The following ZCCHC7 variants were observed in gnomAD, a reference collection of about 807,000 sequenced individuals.
ZCCHC7 encodes the protein zinc finger CCHC domain-containing protein 7.
A neutral mutation model predicts 52.0 loss-of-function variants in ZCCHC7; 35 were observed. The ratio of observed to expected loss-of-function variants is 0.67; its 90% CI spans 0.51 to 0.89. The LOEUF is 0.89. ZCCHC7 is among the 40% of genes least tolerant of loss of function. The probability of loss-of-function intolerance (pLI) is 0.00; values close to 1 mark genes in which losing one functional copy is unlikely to be tolerated. For missense variants in ZCCHC7, 574 were observed against 649.1 expected, an observed-to-expected ratio of 0.88 and a Z score of 1.26; for synonymous variants, 217 against 221.5, an observed-to-expected ratio of 0.98 and a Z score of 0.18.
At chr9:37,271,413 T>C (rs776657021) in intron 2 of ZCCHC7, among the ~76,000 whole-genome samples, 2 of 152,166 alleles carry the variant, frequency 1.3e-5, no homozygotes, top group Non-Finnish European at 2.9e-5. Context: ...AGGGACTTAG[T>C]TTATTACAAT....
At chr9:37,200,783 C>A (rs1823589356) in intron 2 of ZCCHC7, among the ~76,000 whole-genome samples, 1 of 152,208 alleles carries the variant, frequency 6.6e-6, no homozygotes, top group African/African-American at 2.4e-5. Flanking sequence ...GAAATATGAA[C>A]CATTGAAAGG....
chr9:37,156,710 T>C (rs778084742), intron 2 of ZCCHC7, among the ~76,000 whole-genome samples: 1 of 152,218 alleles, frequency 6.6e-6, no homozygotes, highest in African/African-American at 2.4e-5. Context: ...GTTTGTGAGC[T>C]TTTTAGATGG....
chr9:37,350,504 T>C (rs1458150365), intron 7 of ZCCHC7, among the ~76,000 whole-genome samples: 1 of 152,214 alleles, frequency 6.6e-6, no homozygotes, highest in Non-Finnish European at 1.5e-5. Flanking sequence ...ATCACATACA[T>C]GTAAACCCTG....
At chr9:37,235,803 TG>T (rs1011665679) in intron 2 of ZCCHC7, among the ~76,000 whole-genome samples, 15 of 151,782 alleles carry the variant, frequency 9.9e-5, no homozygotes, top group Non-Finnish European at 2.1e-4. Context: ...TTGGCCAGGA[TG>T]GTCTCCATCT....
At chr9:37,355,774 G>A (rs2118708898) in intron 8 of ZCCHC7, among the ~76,000 whole-genome samples, 1 of 152,282 alleles carries the variant, frequency 6.6e-6, no homozygotes, top group South Asian at 2.1e-4. Context: ...TCATTTGGTT[G>A]AAAAAATCCA....
intron 2 of ZCCHC7, among the ~76,000 whole-genome samples, chr9:37,293,858 G>T (rs1224248506): frequency 6.6e-6 from 1 of 151,970 alleles, no homozygotes; most frequent in African/African-American, 2.4e-5. Context: ...AGCTCTATAT[G>T]ACCCTCTGCT....
At chr9:37,249,846 C>G (rs543709990) in intron 2 of ZCCHC7, among the ~76,000 whole-genome samples, 1 of 152,246 alleles carries the variant, frequency 6.6e-6, no homozygotes, top group African/African-American at 2.4e-5. Flanking sequence ...CTCTGTAGGT[C>G]TCCTGGAATA....
intron 2 of ZCCHC7, chr9:37,144,884 C>G (rs1403287475): frequency 1.3e-5 from 2 of 151,984 alleles, no homozygotes; most frequent in East Asian, 3.9e-4. Flanking sequence ...CAGTTGAAAA[C>G]AGGCCTCAGA....
chr9:37,310,031 A>C (rs2133743535), intron 5 of ZCCHC7, among the ~76,000 whole-genome samples: 1 of 152,256 alleles, frequency 6.6e-6, no homozygotes, highest in East Asian at 1.9e-4. Context: ...ATGCAAAGAG[A>C]ATTTGTAGTG....
intron 2 of ZCCHC7, among the ~76,000 whole-genome samples, chr9:37,300,535 T>A (rs1797930177): frequency 6.6e-6 from 1 of 152,214 alleles, no homozygotes; most frequent in African/African-American, 2.4e-5. Flanking sequence ...TGCATACCTG[T>A]GGATTGGTCT....
intron 5 of ZCCHC7, among the ~76,000 whole-genome samples, chr9:37,311,690 C>T (rs1829609161): frequency 6.6e-6 from 1 of 152,170 alleles, no homozygotes; most frequent in Non-Finnish European, 1.5e-5. Flanking sequence ...GGTTAACAGG[C>T]GTGAGCTACT....
chr9:37,312,800 A>T (rs1829654523), intron 5 of ZCCHC7, among the ~76,000 whole-genome samples: 1 of 152,248 alleles, frequency 6.6e-6, no homozygotes, highest in Non-Finnish European at 1.5e-5. Flanking sequence ...TAAGATTCAG[A>T]TAGCAAATAA....
At chr9:37,127,676 C>G (rs1842602839) in intron 2 of ZCCHC7, among the ~76,000 whole-genome samples, 1 of 152,154 alleles carries the variant, frequency 6.6e-6, no homozygotes, top group Admixed American at 6.5e-5. Flanking sequence ...TCTTTTATAT[C>G]TACCCTGTAC....
intron 5 of ZCCHC7, among the ~76,000 whole-genome samples, chr9:37,316,325 G>A (rs537365188): frequency 2.1e-4 from 32 of 151,322 alleles, no homozygotes; most frequent in African/African-American, 7.5e-4. Context: ...CTCCCAAAGC[G>A]CTGGGATTAC....
At chr9:37,292,631 C>T (rs1292870506) in intron 2 of ZCCHC7, among the ~76,000 whole-genome samples, 1 of 151,576 alleles carries the variant, frequency 6.6e-6, no homozygotes, top group African/African-American at 2.4e-5. Flanking sequence ...ACAGAATGAA[C>T]ATGATTTAGA....
intron 2 of ZCCHC7, among the ~76,000 whole-genome samples, chr9:37,156,589 A>G (rs941305953): frequency 6.6e-6 from 1 of 152,218 alleles, no homozygotes; most frequent in Non-Finnish European, 1.5e-5. Flanking sequence ...CTTTGTATAA[A>G]TGTTTTTGAC....
intron 2 of ZCCHC7, among the ~76,000 whole-genome samples, chr9:37,175,828 C>CTT (rs1821993942): frequency 6.6e-6 from 1 of 152,146 alleles, no homozygotes; most frequent in Non-Finnish European, 1.5e-5. Context: ...AATTGTCTGT[C>CTT]TTGCAGACCA....
intron 6 of ZCCHC7, among the ~76,000 whole-genome samples, chr9:37,345,612 C>G (rs1292303972): frequency 6.6e-6 from 1 of 151,814 alleles, no homozygotes; most frequent in East Asian, 1.9e-4. Context: ...CCCAGCTACT[C>G]TGAAGGCTGA....
At chr9:37,201,436 G>A (rs950866785) in intron 2 of ZCCHC7, among the ~76,000 whole-genome samples, 4 of 152,118 alleles carry the variant, frequency 2.6e-5, no homozygotes, top group South Asian at 2.1e-4. Context: ...CTGCTTGTAC[G>A]GCTAAGGAGC....
Sources: gnomAD v4.1 joint callset for allele counts (sites outside exome capture counted in the v4.1 genomes callset) on GRCh38, gnomAD v4.1.1 for gene constraint, MANE v1.5 for transcripts, NCBI Gene and HGNC (gene_info 2026-07-23, HGNC 2026-07-21) for gene names.